Variants in SFMBT2 observed in about 807,000 individuals in gnomAD.
SFMBT2 encodes Scm like with four mbt domains 2.
SFMBT2 carries 38 observed loss-of-function variants against 110.1 expected under a neutral mutation model. That is an observed-to-expected ratio of 0.35 (90% confidence interval 0.27 to 0.45). The LOEUF (loss-of-function observed/expected upper bound fraction) is 0.45, where lower values mean the gene tolerates loss of function less well. Ranked by LOEUF, SFMBT2 falls within the 20% of genes least tolerant of loss-of-function variation. SFMBT2 has a pLI of 1.00. For missense variants in SFMBT2, 1,011 were observed against 1,094.9 expected, an observed-to-expected ratio of 0.92 and a Z score of 1.08; for synonymous variants, 425 against 425.4, an observed-to-expected ratio of 1.00 and a Z score of 0.01.
chr10:7,233,258 TA>T lies in SFMBT2; in HGVS notation c.1121-5322del, dbSNP rs1840160967. On this transcript the variant is annotated intron_variant, in intron 9 of 20. Transcript: ENST00000397167. ...TGTGTTTGTGGTGGGAGTGGAACTT[TA>T]AAAAACCACTGTAGATGTCAATTTG... Among the ~76,000 whole-genome samples the T allele has an allele frequency of 6.6e-5, 10 of 152,130 alleles. No individual in the cohort carries two copies. In the South Asian group the frequency reaches 2.1e-3, roughly 32 times the overall value.
At chr10:7,318,424 T>C (rs1843078182) in intron 4 of SFMBT2, among the ~76,000 whole-genome samples, 1 of 152,090 alleles carries the variant, frequency 6.6e-6, no homozygotes, top group Non-Finnish European at 1.5e-5. Flanking sequence ...TCTTTGGAGG[T>C]GATATTGTCC....
At chr10:7,324,925 C>T (rs1391949425) in intron 4 of SFMBT2, among the ~76,000 whole-genome samples, 1 of 151,090 alleles carries the variant, frequency 6.6e-6, no homozygotes, top group Non-Finnish European at 1.5e-5. Flanking sequence ...AGCCTTATGT[C>T]CTCACTGAGC....
In SFMBT2 at chr10:7,171,086, T is replaced by G. The variant is rs765453495; in HGVS notation, c.2416-30A>C. ...AGAGAAAGGGCAGGAGGAGCTCAGC[T>G]GCGGCACAGTCAGCTGGCTGGGTCC... On this transcript the variant is annotated intron_variant, in intron 19 of 20. Coordinates refer to ENST00000397167, the MANE Select transcript of SFMBT2 (RefSeq NM_001387889.1). The surrounding 1 kb of genome is among the most constrained non-coding windows in gnomAD (Gnocchi z 4.9). The G allele has an allele frequency of 1.2e-6, 2 of 1,613,500 alleles. No individual in the cohort carries two copies. The highest frequency in any genetic ancestry group is 2.7e-5 in the African/African-American group (2 of 74,924).
At chr10:7,183,785 T>C (rs569047296) in intron 16 of SFMBT2, among the ~76,000 whole-genome samples, 46 of 152,236 alleles carry the variant, frequency 3.0e-4, no homozygotes, top group Non-Finnish European at 6.3e-4. Flanking sequence ...CAATTTGTCT[T>C]TCCCAAAGCA....
At chr10:7,202,697 C>A in intron 12 of SFMBT2, 175 bp from the exon 13 acceptor site, 1 of 985,338 alleles carries the variant, frequency 1.0e-6, no homozygotes, top group East Asian at 1.1e-4. Context: ...ATAGGATAGA[C>A]GTTAACTCAC....
rs1564380660 is a variant in SFMBT2, at chr10:7,202,528, G to GA, written c.1445-7dup. ...AATCTTTCTCTTCTTTTGTGCTGTA[G>GA]AAAAGGCAAAACGGAAAAAGAAAAT... is the stretch of plus-strand genomic sequence containing the variant. On this transcript the variant is annotated splice_region_variant and splice_polypyrimidine_tract_variant and intron_variant, in intron 12 of 20. Transcript: ENST00000397167. 6.2e-7 allele frequency: 1 copy of GA among 1,614,136 alleles called. No homozygotes were observed. The highest frequency in any genetic ancestry group is 1.7e-5 in the Admixed American group (1 of 60,018).
intron 3 of SFMBT2, among the ~76,000 whole-genome samples, chr10:7,368,629 G>A (rs1323483766): frequency 6.6e-6 from 1 of 152,150 alleles, no homozygotes; most frequent in Admixed American, 6.5e-5. Flanking sequence ...GGAGGTGGAA[G>A]GATTGACTGA....
intron 3 of SFMBT2, among the ~76,000 whole-genome samples, chr10:7,369,175 A>G (rs1317738974): frequency 6.6e-6 from 1 of 152,190 alleles, no homozygotes; most frequent in Non-Finnish European, 1.5e-5. Flanking sequence ...AAATAAATAA[A>G]TAAAAATAAG....
intron 9 of SFMBT2, among the ~76,000 whole-genome samples, chr10:7,243,208 A>G (rs1405591800): frequency 1.3e-5 from 2 of 152,240 alleles, no homozygotes; most frequent in African/African-American, 2.4e-5. Flanking sequence ...CTTCACCAAC[A>G]TTGTGTTACA....
chr10:7,315,030 GAAAGAAAGAGAAAGAAAGA>G (rs1564435327), intron 4 of SFMBT2, among the ~76,000 whole-genome samples: 13 of 130,126 alleles, frequency 1.0e-4, no homozygotes, highest in Non-Finnish European at 2.1e-4. Flanking sequence ...GAGAGAGAAA[GAAAGAAAGAGAAAGAAAGA>G]AAGAAAGAAA....
intron 4 of SFMBT2, among the ~76,000 whole-genome samples, chr10:7,366,580 G>T (rs932535527): frequency 6.6e-6 from 1 of 152,194 alleles, no homozygotes; most frequent in Admixed American, 6.5e-5. Context: ...GCTACGAAGA[G>T]GACACCACAC....
At chr10:7,357,519 T>C (rs1844560407) in intron 4 of SFMBT2, among the ~76,000 whole-genome samples, 1 of 152,208 alleles carries the variant, frequency 6.6e-6, no homozygotes. Flanking sequence ...ACTGCAGCTC[T>C]TTCCTAAGTT....
At chr10:7,233,184 A>C (rs1168971136) in intron 9 of SFMBT2, among the ~76,000 whole-genome samples, 3 of 152,232 alleles carry the variant, frequency 2.0e-5, no homozygotes, top group Non-Finnish European at 2.9e-5. Context: ...ATGAAAAACA[A>C]CACTAAGAAT....
rs557258712 is a variant in SFMBT2 at position 7,370,216 on chromosome 10, C to T, written c.195+65G>A. ...CTTCTTCCATTGAGTTCTCCGGCTT[C>T]TCCCTATAGATTCCTTCCCTTCCCA... On this transcript the variant is annotated intron_variant, in intron 3 of 20. Coordinates refer to ENST00000397167, the MANE Select transcript of SFMBT2 (RefSeq NM_001387889.1). 104 of 1,429,372 alleles carry T rather than the reference C, an allele frequency of 7.3e-5. 1 individual carries two copies. In the East Asian group the frequency reaches 2.3e-3, roughly 31 times the overall value. 88.5% of individuals were successfully genotyped at this position (1,429,372 alleles called of 1,614,324 possible).
At chr10:7,175,868 C>G in intron 17 of SFMBT2, 122 bp downstream of exon 17, 8 of 876,440 alleles carry the variant, frequency 9.1e-6, no homozygotes, top group Non-Finnish European at 1.4e-5. Flanking sequence ...CATAGCAATT[C>G]CTATGGAAGA....
chr10:7,366,710 G>A (rs533221963), intron 4 of SFMBT2, among the ~76,000 whole-genome samples: 5 of 152,358 alleles, frequency 3.3e-5, no homozygotes, highest in African/African-American at 1.2e-4. Flanking sequence ...TTCTCACTTA[G>A]GGGATCAGAT....
intron 11 of SFMBT2, among the ~76,000 whole-genome samples, chr10:7,210,903 G>T (rs1358917032): frequency 2.6e-5 from 4 of 152,098 alleles, no homozygotes; most frequent in African/African-American, 7.2e-5. Context: ...GACAGAAATG[G>T]GATTAGACGA....
At chr10:7,204,049 A>C (rs1839046855) in intron 12 of SFMBT2, 4 of 243,800 alleles carry the variant, frequency 1.6e-5, no homozygotes, top group Non-Finnish European at 2.6e-5. Context: ...ACAGGGGAAA[A>C]GAATGTCCCT....
chr10:7,397,705 G>A (rs574501384), intron 1 of SFMBT2, among the ~76,000 whole-genome samples: 30 of 152,328 alleles, frequency 2.0e-4, no homozygotes, highest in African/African-American at 7.2e-4. Context: ...ACAAGCAACA[G>A]CCCGGAATCG....
Sources: allele counts gnomAD v4.1 joint callset (sites outside exome capture counted in the v4.1 genomes callset), GRCh38; gene constraint gnomAD v4.1.1; non-coding constraint Gnocchi (gnomAD v3.1); transcripts MANE v1.5; gene names NCBI Gene and HGNC (gene_info 2026-07-23, HGNC 2026-07-21).